The following MBNL1 variants were observed in gnomAD, a reference collection of about 807,000 sequenced individuals.
The protein encoded by MBNL1 is muscleblind-like protein 1.
MBNL1 carries 8 observed loss-of-function variants against 42.2 expected under a neutral mutation model. The ratio of observed to expected loss-of-function variants is 0.19; its 90% CI spans 0.11 to 0.34. The LOEUF (loss-of-function observed/expected upper bound fraction) is 0.34. MBNL1 is among the 10% of genes least tolerant of loss of function. The pLI is 1.00. For missense variants in MBNL1, 309 were observed against 495.3 expected (o/e 0.62, Z 3.57); for synonymous variants, 169 against 173.9 (o/e 0.97, Z 0.22).
intron 1 of MBNL1, among the ~76,000 whole-genome samples, chr3:152,270,486 A>C (rs909135660): frequency 6.6e-6 from 1 of 152,174 alleles, no homozygotes; most frequent in African/African-American, 2.4e-5. Flanking sequence ...CTCCACAGTT[A>C]TCTCTCTGTG....
chr3:152,246,726 TG>T (rs1335000352), intron 2 of MBNL1, among the ~76,000 whole-genome samples: 4 of 152,028 alleles, frequency 2.6e-5, no homozygotes, highest in African/African-American at 9.7e-5. Context: ...GGATGACTGC[TG>T]TGTATAGTAT....
intron 1 of MBNL1, among the ~76,000 whole-genome samples, chr3:152,270,914 T>G (rs1205615345): frequency 6.6e-6 from 1 of 152,164 alleles, no homozygotes; most frequent in Non-Finnish European, 1.5e-5. Flanking sequence ...CTTTTGTGTT[T>G]TAAGGAACAG....
intron 2 of MBNL1, among the ~76,000 whole-genome samples, chr3:152,306,135 C>T (rs1315315629): frequency 6.6e-6 from 1 of 152,166 alleles, no homozygotes; most frequent in Non-Finnish European, 1.5e-5. Context: ...TTCCAGCTTT[C>T]TAATTGTCCA....
intron 2 of MBNL1, among the ~76,000 whole-genome samples, chr3:152,408,232 CTTA>C (rs1225287272): frequency 6.6e-6 from 1 of 151,990 alleles, no homozygotes; most frequent in Non-Finnish European, 1.5e-5. Flanking sequence ...ATAATATTTA[CTTA>C]TTAACAGGAT....
chr3:152,348,636 T>G (rs1049556775), intron 2 of MBNL1, among the ~76,000 whole-genome samples: 1 of 152,122 alleles, frequency 6.6e-6, no homozygotes, highest in Non-Finnish European at 1.5e-5. Flanking sequence ...CAGTTAGTAC[T>G]ATCCTAAAAA....
At chr3:152,373,609 C>G (rs769618779) in intron 2 of MBNL1, among the ~76,000 whole-genome samples, 9 of 152,114 alleles carry the variant, frequency 5.9e-5, no homozygotes, top group Admixed American at 1.3e-4. Context: ...GATGCACCCC[C>G]CCTGCTTTGG....
intron 2 of MBNL1, among the ~76,000 whole-genome samples, chr3:152,254,322 T>G (rs1451978905): frequency 6.6e-6 from 1 of 152,160 alleles, no homozygotes; most frequent in African/African-American, 2.4e-5. Context: ...TCATAGTGAC[T>G]GCCACTAACT....
At chr3:152,438,520 A>G (rs1290775263) in intron 4 of MBNL1, among the ~76,000 whole-genome samples, 3 of 152,224 alleles carry the variant, frequency 2.0e-5, no homozygotes, top group Non-Finnish European at 4.4e-5. Context: ...CACTTCAGCT[A>G]TAAAATACAG....
At chr3:152,335,487 A>G (rs893558006) in intron 2 of MBNL1, among the ~76,000 whole-genome samples, 12 of 152,204 alleles carry the variant, frequency 7.9e-5, no homozygotes, top group Admixed American at 4.6e-4. Context: ...ACTTCAGTAG[A>G]TGGAGCATAG....
In MBNL1 at chr3:152,395,625, C is replaced by T. The variant is rs1239061984; in HGVS notation, c.175-19316C>T. 3.3e-5 allele frequency among the ~76,000 whole-genome samples: 5 copies of T among 152,170 alleles called. 1 individual carries two copies. In the East Asian group the frequency reaches 9.6e-4, roughly 29 times the overall value. ...GGTCATCTTCACTAAGGAGTGTCTT[C>T]CTGAAATTCAAGTAGGCCTCAGCAA... On this transcript the variant is annotated intron_variant, in intron 2 of 9. Transcript: ENST00000324210.
chr3:152,437,227 A>G (rs1371453957), intron 4 of MBNL1, among the ~76,000 whole-genome samples: 3 of 152,198 alleles, frequency 2.0e-5, no homozygotes, highest in Non-Finnish European at 4.4e-5. Flanking sequence ...GGAATCAGTT[A>G]AACTATTGGC....
chr3:152,333,423 C>T (rs917545271), intron 2 of MBNL1, among the ~76,000 whole-genome samples: 2 of 152,154 alleles, frequency 1.3e-5, no homozygotes, highest in East Asian at 1.9e-4. Context: ...ATCAGATGCT[C>T]CTGCCACCAG....
At position 152,394,356 on chromosome 3, in the gene MBNL1, C is replaced by G. The variant is rs546085432; in HGVS notation, c.175-20585C>G. 3.3e-5 allele frequency among the ~76,000 whole-genome samples: 5 copies of G among 152,346 alleles called. No homozygotes were observed. In the East Asian group the frequency reaches 7.7e-4, roughly 23 times the overall value. ...TTAATTGCTGCATTTTTAAACACCA[C>G]TAGCTATTTGAATTTCAGTTTGACA... is the stretch of plus-strand genomic sequence containing the variant. On this transcript the variant is annotated intron_variant, in intron 2 of 9. Transcript: ENST00000324210.
At chr3:152,335,323 T>G (rs1420606018) in intron 2 of MBNL1, 6 of 1,189,480 alleles carry the variant, frequency 5.0e-6, no homozygotes, top group Non-Finnish European at 5.6e-6. Context: ...CCATGGGAAA[T>G]GGCTTTTGGT....
At chr3:152,332,364 T>C (rs1186941194) in intron 2 of MBNL1, among the ~76,000 whole-genome samples, 1 of 152,188 alleles carries the variant, frequency 6.6e-6, no homozygotes, top group Non-Finnish European at 1.5e-5. Flanking sequence ...AATTTAAATC[T>C]GTTGTTAGCC....
chr3:152,270,004 C>T (rs879845243), intron 1 of MBNL1, among the ~76,000 whole-genome samples: 1 of 148,574 alleles, frequency 6.7e-6, no homozygotes, highest in African/African-American at 2.5e-5. Context: ...GCCTGTAACA[C>T]GAGCAGGTAT....
At chr3:152,461,498 G>T (rs1745832958) in intron 9 of MBNL1, among the ~76,000 whole-genome samples, 1 of 152,042 alleles carries the variant, frequency 6.6e-6, no homozygotes, top group Non-Finnish European at 1.5e-5. Flanking sequence ...ACTAAATTCT[G>T]TTTCTTAGCA....
At chr3:152,421,407 C>G (rs1043348861) in intron 3 of MBNL1, among the ~76,000 whole-genome samples, 1 of 152,194 alleles carries the variant, frequency 6.6e-6, no homozygotes, top group Non-Finnish European at 1.5e-5. Flanking sequence ...AAGCTAAGAT[C>G]CACTGGCTTC....
intron 2 of MBNL1, among the ~76,000 whole-genome samples, chr3:152,256,267 T>C (rs2035435764): frequency 6.6e-6 from 1 of 152,198 alleles, no homozygotes; most frequent in South Asian, 2.1e-4. Flanking sequence ...TTTAAATTTG[T>C]AAACTCAATG....
Sources: gnomAD v4.1 joint callset for allele counts (sites outside exome capture counted in the v4.1 genomes callset) on GRCh38, gnomAD v4.1.1 for gene constraint, MANE v1.5 for transcripts, NCBI Gene and HGNC (gene_info 2026-07-23, HGNC 2026-07-21) for gene names.